The following PLG variants were observed in gnomAD, a reference collection of about 807,000 sequenced individuals.
PLG encodes the protein plasmin.
PLG carries 41 observed loss-of-function variants against 104.4 expected under a neutral mutation model. That is an observed-to-expected ratio of 0.39 (90% CI 0.31 to 0.51). PLG has a LOEUF of 0.51. Among genes scored for constraint, PLG ranks in the 20% least tolerant of loss-of-function variants. The probability of loss-of-function intolerance (pLI) is 0.76; values close to 1 mark genes in which losing one functional copy is unlikely to be tolerated. For synonymous variants in PLG, 337 were observed against 357.1 expected (o/e 0.94, Z 0.63); for missense variants, 891 against 1,003.6 (o/e 0.89, Z 1.52).
intron 3 of PLG, among the ~76,000 whole-genome samples, chr6:160,710,157 T>C (rs1364759774): frequency 6.6e-6 from 1 of 152,244 alleles, no homozygotes; most frequent in Non-Finnish European, 1.5e-5. Context: ...CTCCTCAAGC[T>C]TTATAGTCAA....
In PLG at chr6:160,739,760, C is replaced by CAA. The variant is rs1307343769; in HGVS notation, c.2018+562_2018+563dup. Reference sequence around the variant, plus strand: ...TGGGCGACAGAGTAAGACACTGTACCAAAAAAAAAAACACCAAAAAAACAA... The same window carrying CAA: ...TGGGCGACAGAGTAAGACACTGTACCAAAAAAAAAAAAACACCAAAAAAACAA... On this transcript the variant is annotated intron_variant, in intron 16 of 18. Coordinates refer to ENST00000308192, the MANE Select transcript of PLG (RefSeq NM_000301.5). This position sits in a 1 kb window ranked among gnomAD's most constrained non-coding sequence, Gnocchi z 4.4. Among the ~76,000 whole-genome samples, 4,656 of 99,980 alleles carry CAA rather than the reference C, an allele frequency of 0.047. 264 individuals carry two copies. The highest frequency in any genetic ancestry group is 0.14 in the African/African-American group (4,267 of 30,644). The allele number at this position is 99,980 out of a possible 152,430, so 65.6% of individuals were successfully genotyped here.
At position 160,734,309 on chromosome 6, in the gene PLG, T is replaced by C. The variant is rs1242849720; in HGVS notation, c.1681+221T>C. ...CCCAGGCACACATAAATAAAATAAA[T>C]GTAAAATTCCCAAAGAGCAAGCTTA... On this transcript the variant is annotated intron_variant, in intron 13 of 18. Transcript: ENST00000308192. The surrounding 1 kb of genome is among the most constrained non-coding windows in gnomAD (Gnocchi z 4.4). 6.6e-6 allele frequency among the ~76,000 whole-genome samples: 1 copy of C among 151,998 alleles called. No homozygotes were observed. The highest frequency in any genetic ancestry group is 1.5e-5 in the Non-Finnish European group (1 of 67,988).
intron 2 of PLG, 131 bp from the exon 3 acceptor site, chr6:160,707,569 G>C: frequency 1.1e-6 from 1 of 937,596 alleles, no homozygotes; most frequent in Admixed American, 1.8e-5. Context: ...ATAACTGAAA[G>C]AGGCAGCAAT....
chr6:160,705,409 A>G (rs1385996982), intron 1 of PLG: 5 of 152,100 alleles, frequency 3.3e-5, no homozygotes, highest in African/African-American at 1.2e-4. Flanking sequence ...TCAAAGAAAA[A>G]CCAAGACCAG....
chr6:160,751,295 T>C (rs911063158), intron 17 of PLG, among the ~76,000 whole-genome samples: 4 of 152,086 alleles, frequency 2.6e-5, no homozygotes, highest in Admixed American at 1.3e-4. Context: ...GGAGGAAGCA[T>C]TTGGGCAGTG....
At chr6:160,711,853 G>T (rs1777649739) in intron 4 of PLG, 22 of 1,395,736 alleles carry the variant, frequency 1.6e-5, no homozygotes, top group Admixed American at 6.6e-5. Flanking sequence ...GAGTAAATAA[G>T]ATATAAAAAT....
intron 4 of PLG, chr6:160,711,701 T>C: frequency 6.2e-7 from 1 of 1,608,730 alleles, no homozygotes; most frequent in Non-Finnish European, 8.5e-7. Flanking sequence ...CATAGAAGAA[T>C]GCCTAGTTTA....
Position 160,737,681 on chromosome 6 carries a change from C to T in PLG, c.1802+674C>T, listed in dbSNP as rs1042912613. Among the ~76,000 whole-genome samples the T allele has an allele frequency of 1.3e-5, 2 of 152,196 alleles. No individual in the cohort carries two copies. The highest frequency in any genetic ancestry group is 4.8e-5 in the African/African-American group (2 of 41,450). On this transcript the variant is annotated intron_variant, in intron 14 of 18. Transcript: ENST00000308192. The surrounding 1 kb of genome is among the most constrained non-coding windows in gnomAD (Gnocchi z 4.7). The stretch of plus-strand genomic sequence containing the variant: ...CATCCGTCTGCCTGTTTTGCTTCCT[C>T]ATCTCACTTCTACACGAGGGTGCCT...
rs4252175 is a variant in PLG at position 160,752,248 on chromosome 6, T to C, written c.2259T>C (p.Thr753=). The C allele has an allele frequency of 3.8e-3, 6,061 of 1,614,016 alleles. 174 individuals are homozygous for C. The African/African-American group carries it at 0.061, about 16-fold the overall frequency. The change falls in exon 18 of 19, where the codon ACT becomes ACC. Residue 753 remains threonine (T), a synonymous_variant. Coordinates refer to ENST00000308192, the MANE Select transcript of PLG (RefSeq NM_000301.5). The surrounding 1 kb of genome is among the most constrained non-coding windows in gnomAD (Gnocchi z 4.7). Reference sequence around the variant, plus strand: ...GTGCTGGGCATTTGGCCGGAGGCACTGACAGTTGCCAGGTAAGCAAAGATC... The same window carrying C: ...GTGCTGGGCATTTGGCCGGAGGCACCGACAGTTGCCAGGTAAGCAAAGATC... ...ELCAGHLAGG[T]DSCQGDSGGP...
In PLG at chr6:160,736,714, G is replaced by A. The variant is rs899718511; in HGVS notation, c.1682-173G>A. On this transcript the variant is annotated intron_variant, in intron 13 of 18. Transcript: ENST00000308192. This position sits in a 1 kb window ranked among gnomAD's most constrained non-coding sequence, Gnocchi z 5.2. ...TTTTCTTGAAAAGAGAGGGTCCTGT[G>A]TTGTCTACTACCACTTTTGAAACTT... 6.6e-6 allele frequency among the ~76,000 whole-genome samples: 1 copy of A among 152,158 alleles called. No homozygotes were observed. Among genetic ancestry groups the A allele is most frequent in the Admixed American group, 6.5e-5 (1 of 15,288 alleles).
intron 1 of PLG, among the ~76,000 whole-genome samples, chr6:160,703,441 T>C (rs1028198846): frequency 2.6e-5 from 4 of 152,210 alleles, no homozygotes; most frequent in African/African-American, 9.6e-5. Flanking sequence ...TTACCCCCAA[T>C]CTGCAGCTTC....
chr6:160,731,319 G>C lies in PLG; in HGVS notation c.1438+87G>C, dbSNP rs569076518. The C allele has an allele frequency of 5.0e-4, 593 of 1,180,426 alleles. 9 individuals carry two copies. In the Middle Eastern group the frequency reaches 8.3e-3, roughly 17 times the overall value. 73.1% of individuals were successfully genotyped at this position (1,180,426 alleles called of 1,614,324 possible). On this transcript the variant is annotated intron_variant, in intron 11 of 18. Coordinates refer to ENST00000308192, the MANE Select transcript of PLG (RefSeq NM_000301.5). This position sits in a 1 kb window ranked among gnomAD's most constrained non-coding sequence, Gnocchi z 5.1. ...TCTCACTGATGCAGAAACCTTCCAT[G>C]CTACACGAGAAATCAAGTGTTTTTA...
Position 160,741,753 on chromosome 6 carries a change from C to A in PLG, c.2125+336C>A, listed in dbSNP as rs1408729708. On this transcript the variant is annotated intron_variant, in intron 17 of 18. Coordinates refer to ENST00000308192, the MANE Select transcript of PLG (RefSeq NM_000301.5). The surrounding 1 kb of genome is among the most constrained non-coding windows in gnomAD (Gnocchi z 4.7). ...TGGTTTGTCATGCAGATTATTTTGT[C>A]ACCTAGGTACTAACCCTAGTACCCA... Among the ~76,000 whole-genome samples, 1 of 152,224 alleles carries A rather than the reference C, an allele frequency of 6.6e-6. No individual in the cohort carries two copies. The highest frequency in any genetic ancestry group is 2.1e-4 in the South Asian group (1 of 4,812).
chr6:160,702,612 C>T (rs946193007), intron 1 of PLG, among the ~76,000 whole-genome samples: 1 of 152,148 alleles, frequency 6.6e-6, no homozygotes, highest in Non-Finnish European at 1.5e-5. Flanking sequence ...CACATAATGG[C>T]CAGTCTAATT....
chr6:160,711,254 G>T (rs948643099), intron 4 of PLG, 63 bp downstream of exon 4: 4 of 1,507,654 alleles, frequency 2.7e-6, no homozygotes, highest in Admixed American at 1.9e-5. Context: ...GTGTCTGTGA[G>T]GGATTGGTTC....
chr6:160,731,318 T>G lies in PLG; in HGVS notation c.1438+86T>G. On this transcript the variant is annotated intron_variant, in intron 11 of 18. Transcript: ENST00000308192. The surrounding 1 kb of genome is among the most constrained non-coding windows in gnomAD (Gnocchi z 5.1). ...ATCTCACTGATGCAGAAACCTTCCATGCTACACGAGAAATCAAGTGTTTTT... is the reference window on the plus strand; with the variant it reads ...ATCTCACTGATGCAGAAACCTTCCAGGCTACACGAGAAATCAAGTGTTTTT... 8.4e-7 allele frequency: 1 copy of G among 1,189,958 alleles called. No homozygotes were observed. The highest frequency in any genetic ancestry group is 1.3e-6 in the Non-Finnish European group (1 of 799,696). 73.7% of individuals were successfully genotyped at this position (1,189,958 alleles called of 1,614,324 possible). A position where few individuals can be genotyped will look rare whatever the true frequency, so the allele number is the denominator to read the frequency against.
rs76794735 is a variant in PLG at position 160,722,808 on chromosome 6, G to T, written c.1256+241G>T. 2.1e-3 allele frequency among the ~76,000 whole-genome samples: 317 copies of T among 152,216 alleles called. 3 individuals carry two copies. Among genetic ancestry groups the T allele is most frequent in the African/African-American group, 7.5e-3 (312 of 41,532 alleles). On this transcript the variant is annotated intron_variant, in intron 10 of 18. Coordinates refer to ENST00000308192, the MANE Select transcript of PLG (RefSeq NM_000301.5). ...CAGGAGGACATCTGGAGGTGATGAG[G>T]TCACATTAATTGAAAGCTCAGGAGT... is the stretch of plus-strand genomic sequence containing the variant.
At chr6:160,709,819 G>T (rs1454768731) in intron 3 of PLG, among the ~76,000 whole-genome samples, 1 of 152,192 alleles carries the variant, frequency 6.6e-6, no homozygotes, top group Non-Finnish European at 1.5e-5. Flanking sequence ...TTTGCTGTAG[G>T]TATGTTAGGA....
rs4252191 is a variant in PLG at position 160,732,151 on chromosome 6, C to A, written c.1587+258C>A. Among the ~76,000 whole-genome samples the A allele has an allele frequency of 5.0e-3, 756 of 152,262 alleles. 3 individuals are homozygous for A. The highest frequency in any genetic ancestry group is 7.5e-3 in the Non-Finnish European group (507 of 68,020). ...AGGCCTCTTCCCTTTAGTGACATTT[C>A]TTTAAAGTTTCCATTATTGGGGACT... On this transcript the variant is annotated intron_variant, in intron 12 of 18. Transcript: ENST00000308192. The surrounding 1 kb of genome is among the most constrained non-coding windows in gnomAD (Gnocchi z 4.5).
Sources: allele counts gnomAD v4.1 joint callset (sites outside exome capture counted in the v4.1 genomes callset), GRCh38; gene constraint gnomAD v4.1.1; non-coding constraint Gnocchi (gnomAD v3.1); transcripts MANE v1.5; gene names NCBI Gene and HGNC (gene_info 2026-07-23, HGNC 2026-07-21).